Variants in SCAI observed in about 807,000 individuals in gnomAD.
SCAI encodes the protein protein SCAI.
In SCAI, 24 loss-of-function variants were observed where a neutral mutation model predicts 92.2. That is an observed-to-expected ratio of 0.26 (90% CI 0.19 to 0.37). The LOEUF (loss-of-function observed/expected upper bound fraction) is 0.37, where lower values mean the gene tolerates loss of function less well. Ranked by LOEUF, SCAI falls within the 10% of genes least tolerant of loss-of-function variation. The pLI is 1.00. For missense variants in SCAI, 450 were observed against 736.2 expected (o/e 0.61, Z 4.50); for synonymous variants, 261 against 258.6 (o/e 1.01, Z -0.09).
intron 2 of SCAI, among the ~76,000 whole-genome samples, chr9:125,057,574 C>T (rs988712762): frequency 1.3e-5 from 2 of 152,196 alleles, no homozygotes; most frequent in African/African-American, 4.8e-5. Context: ...AAGTGGGTAT[C>T]CACATCACAG....
chr9:125,089,888 T>C (rs945691557), intron 2 of SCAI, among the ~76,000 whole-genome samples: 1 of 152,200 alleles, frequency 6.6e-6, no homozygotes, highest in Non-Finnish European at 1.5e-5. Context: ...TTTCTTATTA[T>C]TTTTAAAATA....
At chr9:125,000,019 C>T (rs1832323751) in intron 12 of SCAI, 29 bp from the exon 13 acceptor site, 2 of 1,134,930 alleles carry the variant, frequency 1.8e-6, no homozygotes, top group Non-Finnish European at 2.6e-6. Context: ...GAATCCTAGA[C>T]TTCAGTTGAA....
chr9:125,116,648 ATATAT>A (rs1480914336), intron 2 of SCAI, among the ~76,000 whole-genome samples: 5 of 152,218 alleles, frequency 3.3e-5, no homozygotes, highest in Admixed American at 2.0e-4. Context: ...CCCACCAATA[ATATAT>A]TAAGAGAAAA....
At chr9:125,132,798 C>G (rs192230162) in intron 2 of SCAI, among the ~76,000 whole-genome samples, 254 of 152,156 alleles carry the variant, frequency 1.7e-3, no homozygotes, top group African/African-American at 5.9e-3. Flanking sequence ...GAAACCCCAT[C>G]TCTACTAAAA....
intron 2 of SCAI, among the ~76,000 whole-genome samples, chr9:125,104,372 T>C (rs183550101): frequency 6.6e-6 from 1 of 152,296 alleles, no homozygotes; most frequent in East Asian, 1.9e-4. Context: ...GAGTCATGAA[T>C]GAATCCTAAG....
rs577694574 is a variant in SCAI, at chr9:125,074,119, TGTG to T, written c.99-18115_99-18113del. Among the ~76,000 whole-genome samples the T allele has an allele frequency of 3.9e-4, 59 of 151,472 alleles. No individual in the cohort carries two copies. The East Asian group carries it at 0.012, about 30-fold the overall frequency. On this transcript the variant is annotated intron_variant, in intron 2 of 17. Coordinates refer to ENST00000336505, the MANE Select transcript of SCAI (RefSeq NM_001144877.3). The stretch of plus-strand genomic sequence containing the variant: ...CTAAAAATACAAAAAATTAGCCAGG[TGTG>T]GTGGCACGCGCCTGTAGTCCCAGCT...
chr9:125,037,195 G>A (rs1383745678), intron 3 of SCAI, among the ~76,000 whole-genome samples: 2 of 151,876 alleles, frequency 1.3e-5, no homozygotes, highest in East Asian at 3.9e-4. Context: ...CTTGAAACTG[G>A]GAGGCAAAAG....
chr9:125,098,680 G>A (rs1422473275), intron 2 of SCAI, among the ~76,000 whole-genome samples: 1 of 152,166 alleles, frequency 6.6e-6, no homozygotes, highest in Admixed American at 6.5e-5. Flanking sequence ...AATCGAAGGG[G>A]GTCAGATGTG....
chr9:125,141,904 C>G (rs1000592622), intron 2 of SCAI, among the ~76,000 whole-genome samples: 7 of 152,118 alleles, frequency 4.6e-5, no homozygotes, highest in African/African-American at 2.4e-5. Context: ...CAGTACTTGG[C>G]ACATAGTAGA....
rs534575456 is a variant in SCAI at position 125,143,488 on chromosome 9, C to G, written c.-51G>C. ...TGCTCCGGCGGCCGCAGGGCTCGCT[C>G]GGGAAGCTGAGGCGGCGGAGGCTGG... On this transcript the variant is annotated 5_prime_UTR_variant, in exon 1 of 18. Coordinates refer to ENST00000336505, the MANE Select transcript of SCAI (RefSeq NM_001144877.3). The G allele has an allele frequency of 6.1e-6, 8 of 1,311,264 alleles. No individual in the cohort carries two copies. Among genetic ancestry groups the G allele is most frequent in the South Asian group, 2.0e-5 (1 of 49,954 alleles). The allele number at this position is 1,311,264 out of a possible 1,614,324, so 81.2% of individuals were successfully genotyped here.
chr9:125,090,088 T>C (rs979920077), intron 2 of SCAI, among the ~76,000 whole-genome samples: 3 of 152,192 alleles, frequency 2.0e-5, no homozygotes, highest in Non-Finnish European at 4.4e-5. Context: ...TTTCTGTGTG[T>C]CTAGACTTGA....
intron 3 of SCAI, among the ~76,000 whole-genome samples, chr9:125,054,267 G>A (rs773552501): frequency 2.0e-5 from 3 of 152,264 alleles, no homozygotes; most frequent in South Asian, 2.1e-4. Context: ...GAGCCACTGC[G>A]CCTGGCCTCT....
At chr9:125,022,440 C>A (rs1659190892) in intron 6 of SCAI, among the ~76,000 whole-genome samples, 1 of 152,148 alleles carries the variant, frequency 6.6e-6, no homozygotes, top group Non-Finnish European at 1.5e-5. Context: ...AAGAGACAGT[C>A]TTGCCCTATT....
chr9:125,015,158 G>C (rs1180810496), intron 9 of SCAI, among the ~76,000 whole-genome samples: 4 of 152,050 alleles, frequency 2.6e-5, no homozygotes, highest in Non-Finnish European at 4.4e-5. Flanking sequence ...AAAGCAATGG[G>C]AACAAAAGAC....
intron 9 of SCAI, among the ~76,000 whole-genome samples, chr9:125,006,712 G>A (rs968570036): frequency 5.3e-5 from 8 of 152,090 alleles, no homozygotes; most frequent in Non-Finnish European, 1.0e-4. Context: ...GGCTGGTATT[G>A]AACTCCTGAC....
intron 9 of SCAI, among the ~76,000 whole-genome samples, chr9:125,015,272 C>CA (rs1832734136): frequency 6.6e-6 from 1 of 152,132 alleles, no homozygotes; most frequent in African/African-American, 2.4e-5. Context: ...AAAATGTTCG[C>CA]AACCTACTCA....
Position 124,947,558 on chromosome 9 carries a change from TTAAA to T in SCAI, c.*5245_*5248del, listed in dbSNP as rs1373642229. The T allele has an allele frequency of 4.6e-5, 7 of 152,100 alleles. No individual in the cohort carries two copies. The highest frequency in any genetic ancestry group is 4.6e-4 in the Admixed American group (7 of 15,266). 9.4% of individuals were successfully genotyped at this position (152,100 alleles called of 1,614,324 possible). On this transcript the variant is annotated 3_prime_UTR_variant, in exon 18 of 18. Coordinates refer to ENST00000336505, the MANE Select transcript of SCAI (RefSeq NM_001144877.3). ...TGCCACTAGGATGTCCTCACAGAAC[TTAAA>T]TAAATTCAGCCCACAATGGGTATGG...
rs1031752965 is a variant in SCAI, at chr9:125,091,973, T to A, written c.99-35966A>T. Among the ~76,000 whole-genome samples, 3 of 150,530 alleles carry A rather than the reference T, an allele frequency of 2.0e-5. No individual in the cohort carries two copies. The highest frequency in any genetic ancestry group is 2.0e-4 in the Admixed American group (3 of 15,084). ...AAAAATAAAAAAATAAAAATAAAAATAAAAAAATTAGCCAGGCGTGGTGGT... is the reference window on the plus strand; with the variant it reads ...AAAAATAAAAAAATAAAAATAAAAAAAAAAAAATTAGCCAGGCGTGGTGGT... On this transcript the variant is annotated intron_variant, in intron 2 of 17. Coordinates refer to ENST00000336505, the MANE Select transcript of SCAI (RefSeq NM_001144877.3). This position sits in a 1 kb window ranked among gnomAD's most constrained non-coding sequence, Gnocchi z 4.3.
intron 2 of SCAI, among the ~76,000 whole-genome samples, chr9:125,064,056 T>C (rs1366994067): frequency 6.6e-6 from 1 of 152,042 alleles, no homozygotes; most frequent in African/African-American, 2.4e-5. Flanking sequence ...CCCAGCCAAT[T>C]CAATATATTT....
Sources: gnomAD v4.1 joint callset for allele counts (sites outside exome capture counted in the v4.1 genomes callset) on GRCh38, gnomAD v4.1.1 for gene constraint, Gnocchi (gnomAD v3.1) non-coding constraint, MANE v1.5 for transcripts, NCBI Gene and HGNC (gene_info 2026-07-23, HGNC 2026-07-21) for gene names.